The following SMARCA2 variants were observed in gnomAD, a reference collection of about 807,000 sequenced individuals.
The protein encoded by SMARCA2 is SWI/SNF related BAF chromatin remodeling complex subunit ATPase 2, also known as SWI/SNF-related matrix-associated actin-dependent regulator of chromatin subfamily A member 2.
In SMARCA2, 61 loss-of-function variants were observed where a neutral mutation model predicts 199.8. The ratio of observed to expected loss-of-function variants is 0.31; its 90% CI spans 0.25 to 0.38. SMARCA2 has a LOEUF of 0.38. SMARCA2 is among the 10% of genes least tolerant of loss of function. The pLI, the probability that SMARCA2 is intolerant of heterozygous loss-of-function variation, is 1.00. For synonymous variants in SMARCA2, 935 were observed against 732.0 expected, an observed-to-expected ratio of 1.28 and a Z score of -4.48; for missense variants, 1,344 against 2,012.2, an observed-to-expected ratio of 0.67 and a Z score of 6.35.
intron 21 of SMARCA2, among the ~76,000 whole-genome samples, chr9:2,101,208 T>C (rs890431856): frequency 5.9e-5 from 9 of 152,108 alleles, no homozygotes; most frequent in Admixed American, 5.9e-4. Context: ...GTTTTTGTGC[T>C]CTTCTAGTCT....
chr9:2,088,488 C>T lies in SMARCA2; in HGVS notation c.2770-12C>T. The T allele has an allele frequency of 6.4e-7, 1 of 1,564,696 alleles. No individual in the cohort carries two copies. Among genetic ancestry groups the T allele is most frequent in the Non-Finnish European group, 8.6e-7 (1 of 1,165,926 alleles). The stretch of plus-strand genomic sequence containing the variant: ...TTTAAAAAATCAAATTCATAATAAG[C>T]CTCTCTTACAGGTGGACTTAAATGA... On this transcript the variant is annotated splice_polypyrimidine_tract_variant and intron_variant, in intron 18 of 33. Coordinates refer to ENST00000349721, the MANE Select transcript of SMARCA2 (RefSeq NM_003070.5).
rs567862138 is a variant in SMARCA2, at chr9:2,017,030, G to T, written c.-37+1626G>T. 1 of 152,316 alleles carries T rather than the reference G, an allele frequency of 6.6e-6. No homozygotes were observed. The highest frequency in any genetic ancestry group is 1.9e-4 in the East Asian group (1 of 5,150). 9.4% of individuals were successfully genotyped at this position (152,316 alleles called of 1,614,324 possible). A position where few individuals can be genotyped will look rare whatever the true frequency, so the allele number is the denominator to read the frequency against. ...GTGCAGTTACACGGCGGAGGGCGGG[G>T]CGCGGCAGTGCGGGCTCCGGCGGAC... On this transcript the variant is annotated intron_variant, in intron 1 of 33. Coordinates refer to ENST00000349721, the MANE Select transcript of SMARCA2 (RefSeq NM_003070.5). The surrounding 1 kb of genome is among the most constrained non-coding windows in gnomAD (Gnocchi z 8.8).
intron 29 of SMARCA2, among the ~76,000 whole-genome samples, chr9:2,178,851 G>A (rs950791442): frequency 3.9e-5 from 6 of 152,170 alleles, no homozygotes; most frequent in Admixed American, 1.3e-4. Flanking sequence ...TTTGTCTGCC[G>A]AAGCTGGCCA....
intron 1 of SMARCA2, among the ~76,000 whole-genome samples, chr9:2,023,545 G>C (rs1018027826): frequency 6.6e-6 from 1 of 152,180 alleles, no homozygotes; most frequent in Non-Finnish European, 1.5e-5. Flanking sequence ...TTAGAACCCG[G>C]TGTGATTTGT....
chr9:2,178,917 C>G (rs1280604305), intron 29 of SMARCA2, among the ~76,000 whole-genome samples: 2 of 152,030 alleles, frequency 1.3e-5, no homozygotes, highest in Non-Finnish European at 2.9e-5. Context: ...TAAGAGAACC[C>G]CACCCTGTAG....
intron 4 of SMARCA2, chr9:2,042,448 T>A (rs937487640): frequency 6.6e-6 from 1 of 152,242 alleles, no homozygotes; most frequent in Non-Finnish European, 1.5e-5. Context: ...AATAAAAGAT[T>A]CGAAGATATC....
intron 12 of SMARCA2, among the ~76,000 whole-genome samples, chr9:2,074,832 T>C (rs1349350508): frequency 6.6e-6 from 1 of 152,212 alleles, no homozygotes; most frequent in Non-Finnish European, 1.5e-5. Context: ...GCCACTGCAC[T>C]CCAGCCTGGG....
chr9:2,117,589 C>G (rs970974828), intron 25 of SMARCA2, among the ~76,000 whole-genome samples: 2 of 152,218 alleles, frequency 1.3e-5, no homozygotes, highest in African/African-American at 4.8e-5. Context: ...CCAGTCGTCT[C>G]CACTACATTT....
chr9:2,168,702 C>G (rs1424093289), intron 28 of SMARCA2, among the ~76,000 whole-genome samples: 2 of 152,204 alleles, frequency 1.3e-5, no homozygotes, highest in African/African-American at 4.8e-5. Flanking sequence ...TAAACCAAAT[C>G]TATGTCATTA....
At chr9:2,126,805 G>C (rs1049842615) in intron 27 of SMARCA2, among the ~76,000 whole-genome samples, 1 of 152,218 alleles carries the variant, frequency 6.6e-6, no homozygotes, top group African/African-American at 2.4e-5. Context: ...TGTGCCAGGA[G>C]GCTGGCCACC....
intron 9 of SMARCA2, among the ~76,000 whole-genome samples, chr9:2,064,202 C>G (rs1820726968): frequency 6.6e-6 from 1 of 152,176 alleles, no homozygotes; most frequent in Non-Finnish European, 1.5e-5. Context: ...AAAATTGGAC[C>G]ACTGTCTGAG....
chr9:2,144,236 C>G (rs538470232), intron 27 of SMARCA2, among the ~76,000 whole-genome samples: 1 of 152,114 alleles, frequency 6.6e-6, no homozygotes, highest in South Asian at 2.1e-4. Flanking sequence ...ATTCCTCAGT[C>G]TTCTTTTCTG....
chr9:2,025,782 T>G (rs878861382), intron 1 of SMARCA2, among the ~76,000 whole-genome samples: 1 of 152,148 alleles, frequency 6.6e-6, no homozygotes. Flanking sequence ...ATTACATACT[T>G]GAACTGTAAA....
At chr9:2,031,157 T>C (rs2130190833) in intron 2 of SMARCA2, among the ~76,000 whole-genome samples, 1 of 152,352 alleles carries the variant, frequency 6.6e-6, no homozygotes, top group Non-Finnish European at 1.5e-5. Flanking sequence ...TCTGTAACTT[T>C]CTTTTTTCAT....
intron 27 of SMARCA2, among the ~76,000 whole-genome samples, chr9:2,157,194 A>G (rs931302730): frequency 1.3e-5 from 2 of 152,182 alleles, no homozygotes; most frequent in South Asian, 4.1e-4. Context: ...TGAAAATGTA[A>G]ATGTAAAATT....
In SMARCA2 at chr9:2,191,390, TGAG is replaced by T; in HGVS notation, c.4723_4725del (p.Glu1575del). 6.2e-7 allele frequency: 1 copy of T among 1,614,154 alleles called. No homozygotes were observed. The highest frequency in any genetic ancestry group is 8.5e-7 in the Non-Finnish European group (1 of 1,179,998). On this transcript the variant is annotated inframe_deletion, in exon 33 of 34. Transcript: ENST00000349721. ...CTGTAGTGAGCGATTTTGACAGCGA[TGAG>T]GAGCAGGATGAACGTGTAAGTGTAG... is the stretch of plus-strand genomic sequence containing the variant.
chr9:2,061,406 T>C (rs1820583715), intron 9 of SMARCA2, among the ~76,000 whole-genome samples: 2 of 152,254 alleles, frequency 1.3e-5, no homozygotes, highest in East Asian at 3.9e-4. Context: ...ATATAAGCAA[T>C]AGTTACTTGG....
In SMARCA2 at chr9:2,097,461, A is replaced by C. The variant is rs763188415; in HGVS notation, c.3068A>C (p.Gln1023Pro). ...RKICNHPYMFQHIEESFAEHL... is the reference protein window; with the variant it reads ...RKICNHPYMFPHIEESFAEHL... ...ATCTGCAACCACCCATATATGTTTC[A>C]GCACATTGAGGTAAGTCTGTATTGT... The change falls in exon 21 of 34, where the codon CAG (glutamine) becomes CCG (proline). Residue 1023 changes from glutamine to proline, a missense_variant. Physicochemically the swap from Gln to Pro is moderately conservative, Grantham distance 76. Coordinates refer to ENST00000349721, the MANE Select transcript of SMARCA2 (RefSeq NM_003070.5). The C allele has an allele frequency of 1.9e-6, 3 of 1,601,774 alleles. No homozygotes were observed. The South Asian group carries it at 3.3e-5, about 18-fold the overall frequency.
At chr9:2,140,268 A>G (rs974747453) in intron 27 of SMARCA2, among the ~76,000 whole-genome samples, 1 of 152,156 alleles carries the variant, frequency 6.6e-6, no homozygotes, top group Non-Finnish European at 1.5e-5. Flanking sequence ...TTTTCTCCAA[A>G]TTTTCAAGAC....
Sources: allele counts gnomAD v4.1 joint callset (sites outside exome capture counted in the v4.1 genomes callset), GRCh38; gene constraint gnomAD v4.1.1; non-coding constraint Gnocchi (gnomAD v3.1); transcripts MANE v1.5; gene names NCBI Gene and HGNC (gene_info 2026-07-23, HGNC 2026-07-21).